The following PRORP variants were observed in gnomAD, a reference collection of about 807,000 sequenced individuals.
PRORP encodes protein only RNase P catalytic subunit.
In PRORP, 51 loss-of-function variants were observed where a neutral mutation model predicts 59.4. That is an observed-to-expected ratio of 0.86 (90% confidence interval 0.69 to 1.08). The LOEUF (loss-of-function observed/expected upper bound fraction) is 1.08. Ranked by LOEUF, PRORP falls within the 50% of genes least tolerant of loss-of-function variation. The pLI is 0.00. For missense variants in PRORP, 646 were observed against 690.3 expected (o/e 0.94, Z 0.72); for synonymous variants, 231 against 245.6 (o/e 0.94, Z 0.55).
intron 5 of PRORP, among the ~76,000 whole-genome samples, chr14:35,266,258 A>C (rs973668573): frequency 6.6e-6 from 1 of 151,566 alleles, no homozygotes; most frequent in East Asian, 1.9e-4. Context: ...GAGAGGTTGC[A>C]GTGAGCTGAG....
intron 4 of PRORP, among the ~76,000 whole-genome samples, chr14:35,149,192 T>G (rs1160531585): frequency 2.0e-5 from 3 of 151,620 alleles, no homozygotes; most frequent in Non-Finnish European, 4.4e-5. Flanking sequence ...GTGCTGGGAT[T>G]ACAAGCGTGA....
rs555598409 is a variant in PRORP at position 35,170,918 on chromosome 14, C to T, written c.1168-9752C>T. Among the ~76,000 whole-genome samples the T allele has an allele frequency of 3.5e-3, 528 of 151,418 alleles. 3 individuals carry two copies. The highest frequency in any genetic ancestry group is 0.012 in the African/African-American group (503 of 41,242). ...AGGCTGGAGTGTAATGGCGCAATCT[C>T]GGCTCACCGCAACCTCTGCCTCCCC... is the stretch of plus-strand genomic sequence containing the variant. On this transcript the variant is annotated intron_variant, in intron 4 of 7. Transcript: ENST00000534898.
At chr14:35,124,342 A>C in intron 2 of PRORP, 111 bp downstream of exon 2, 83 of 622,742 alleles carry the variant, frequency 1.3e-4, no homozygotes, top group Non-Finnish European at 1.9e-4. Context: ...TTCATAGCTC[A>C]CTGTAACCTC....
At chr14:35,204,951 C>G (rs73236968) in intron 5 of PRORP, among the ~76,000 whole-genome samples, 7,554 of 152,170 alleles carry the variant, frequency 0.05, 332 homozygotes, top group Admixed American at 0.15. Context: ...TTAATCCTCT[C>G]AACAGTCTAA....
At chr14:35,193,137 C>G (rs2048925422) in intron 5 of PRORP, among the ~76,000 whole-genome samples, 1 of 152,154 alleles carries the variant, frequency 6.6e-6, no homozygotes, top group East Asian at 1.9e-4. Flanking sequence ...TTTCAGTGTT[C>G]ATAAGCTCCT....
intron 5 of PRORP, among the ~76,000 whole-genome samples, chr14:35,261,345 T>C (rs900155828): frequency 2.0e-5 from 3 of 152,206 alleles, no homozygotes; most frequent in African/African-American, 4.8e-5. Flanking sequence ...GTGGGAGACA[T>C]AGGGAGAAGT....
intron 5 of PRORP, among the ~76,000 whole-genome samples, chr14:35,243,813 A>G (rs559154974): frequency 1.4e-4 from 21 of 152,306 alleles, no homozygotes; most frequent in African/African-American, 4.8e-4. Context: ...AAGGGTGTCT[A>G]TGAGGATTAA....
intron 5 of PRORP, among the ~76,000 whole-genome samples, chr14:35,240,929 C>T (rs773039643): frequency 2.6e-5 from 4 of 152,084 alleles, no homozygotes; most frequent in African/African-American, 4.8e-5. Context: ...CAACCAACCA[C>T]AGATCAAAAA....
chr14:35,173,086 T>G (rs2048361711), intron 4 of PRORP, among the ~76,000 whole-genome samples: 1 of 152,120 alleles, frequency 6.6e-6, no homozygotes, highest in South Asian at 2.1e-4. Flanking sequence ...CGGGCTGGTC[T>G]TGAACTCCTG....
chr14:35,141,351 C>G (rs899136140), intron 4 of PRORP, among the ~76,000 whole-genome samples: 1 of 144,478 alleles, frequency 6.9e-6, no homozygotes, highest in Non-Finnish European at 1.5e-5. Context: ...GCCTTGAACT[C>G]CTGGGCTGAA....
rs1373003539 is a variant in PRORP at position 35,175,796 on chromosome 14, T to C, written c.1168-4874T>C. On this transcript the variant is annotated intron_variant, in intron 4 of 7. Transcript: ENST00000534898. ...TTTGTTGCCATTGCTTTTAGTGTTT[T>C]AGACATGAAGTCCTTGCCCATGCCT... Among the ~76,000 whole-genome samples the C allele has an allele frequency of 7.9e-5, 12 of 152,304 alleles. No homozygotes were observed. In the East Asian group the frequency reaches 2.1e-3, roughly 27 times the overall value.
intron 5 of PRORP, among the ~76,000 whole-genome samples, chr14:35,233,998 C>T (rs1011846774): frequency 2.0e-5 from 3 of 152,150 alleles, no homozygotes; most frequent in Non-Finnish European, 4.4e-5. Context: ...TCAGGCTTTC[C>T]TTATGATCAA....
intron 5 of PRORP, among the ~76,000 whole-genome samples, chr14:35,182,100 C>A (rs1344590617): frequency 6.7e-6 from 1 of 150,358 alleles, no homozygotes; most frequent in Non-Finnish European, 1.5e-5. Context: ...CCCATCTCTA[C>A]TAAAAATACA....
Position 35,249,148 on chromosome 14 carries a change from C to G in PRORP, c.1276-17579C>G, listed in dbSNP as rs980098801. Among the ~76,000 whole-genome samples, 4 of 152,174 alleles carry G rather than the reference C, an allele frequency of 2.6e-5. No homozygotes were observed. In the South Asian group the frequency reaches 8.3e-4, roughly 31 times the overall value. On this transcript the variant is annotated intron_variant, in intron 5 of 7. Transcript: ENST00000534898. ...AAAGAATATTTACTTTTCTTGCTTT[C>G]TCCTGTCTGCTTTTGACTTAACCCC...
At chr14:35,177,421 T>A (rs929768968) in intron 4 of PRORP, among the ~76,000 whole-genome samples, 2 of 151,972 alleles carry the variant, frequency 1.3e-5, no homozygotes, top group African/African-American at 4.8e-5. Context: ...CAATTTCAGA[T>A]CCTGTTATTG....
At chr14:35,199,360 G>C (rs1002245608) in intron 5 of PRORP, among the ~76,000 whole-genome samples, 1 of 150,354 alleles carries the variant, frequency 6.7e-6, no homozygotes, top group Non-Finnish European at 1.5e-5. Flanking sequence ...AAAAATTATA[G>C]TGAGTACTTG....
intron 5 of PRORP, among the ~76,000 whole-genome samples, chr14:35,241,454 G>C (rs1251630614): frequency 6.6e-6 from 1 of 151,668 alleles, no homozygotes; most frequent in Non-Finnish European, 1.5e-5. Flanking sequence ...TAAACTTTTG[G>C]CTCTCATTTG....
intron 2 of PRORP, among the ~76,000 whole-genome samples, chr14:35,126,122 G>A (rs566362270): frequency 2.0e-5 from 3 of 152,262 alleles, no homozygotes; most frequent in South Asian, 2.1e-4. Context: ...GGAGATCTGC[G>A]TGAATACAAT....
intron 5 of PRORP, among the ~76,000 whole-genome samples, chr14:35,254,360 G>C (rs7154637): frequency 0.26 from 39,289 of 151,950 alleles, 6,603 homozygotes; most frequent in African/African-American, 0.47. Context: ...AGTCATGTCA[G>C]TCTCCTGTTT....
Sources: gnomAD v4.1 joint callset for allele counts (sites outside exome capture counted in the v4.1 genomes callset) on GRCh38, gnomAD v4.1.1 for gene constraint, MANE v1.5 for transcripts, NCBI Gene and HGNC (gene_info 2026-07-23, HGNC 2026-07-21) for gene names.